The following JAZF1 variants were observed in gnomAD, a reference collection of about 807,000 sequenced individuals.
JAZF1 encodes the protein juxtaposed with another zinc finger protein 1.
Under a neutral mutation model 26.4 loss-of-function variants are expected in JAZF1, and 8 were observed. That is an observed-to-expected ratio of 0.30 (90% CI 0.18 to 0.55). The LOEUF is 0.55. Ranked by LOEUF, JAZF1 falls within the 20% of genes least tolerant of loss-of-function variation. The pLI is 0.94. For missense variants in JAZF1, 199 were observed against 322.0 expected, an observed-to-expected ratio of 0.62 and a Z score of 2.92; for synonymous variants, 126 against 122.3, an observed-to-expected ratio of 1.03 and a Z score of -0.20.
At chr7:28,168,379 TCA>T (rs1491188651) in intron 1 of JAZF1, among the ~76,000 whole-genome samples, 124 of 45,478 alleles carry the variant, frequency 2.7e-3, no homozygotes, top group Middle Eastern at 0.023. Context: ...AGACTCCGTC[TCA>T]AAAAAAAAAA....
intron 1 of JAZF1, among the ~76,000 whole-genome samples, chr7:28,155,699 T>C (rs1783171680): frequency 6.6e-6 from 1 of 152,162 alleles, no homozygotes; most frequent in African/African-American, 2.4e-5. Flanking sequence ...AGAATTATCA[T>C]ACAAGAAATG....
intron 1 of JAZF1, among the ~76,000 whole-genome samples, chr7:28,016,701 C>T (rs1164567832): frequency 6.6e-6 from 1 of 152,208 alleles, no homozygotes; most frequent in Non-Finnish European, 1.5e-5. Context: ...ACTGCTCTCC[C>T]TCCACTCCTC....
Position 27,882,838 on chromosome 7 carries a change from G to A in JAZF1, c.385+12382C>T, listed in dbSNP as rs556186225. Among the ~76,000 whole-genome samples the A allele has an allele frequency of 6.6e-5, 10 of 152,266 alleles. No individual in the cohort carries two copies. The East Asian group carries it at 1.2e-3, about 18-fold the overall frequency. ...GTTTTAGACTGGTGGTGGCAGGGAC[G>A]GGGGTGTGGAGAAAAGGTGTCTTTG... On this transcript the variant is annotated intron_variant, in intron 3 of 4. Coordinates refer to ENST00000283928, the MANE Select transcript of JAZF1 (RefSeq NM_175061.4).
intron 1 of JAZF1, among the ~76,000 whole-genome samples, chr7:28,025,206 T>G (rs1218368742): frequency 6.6e-6 from 1 of 152,244 alleles, no homozygotes; most frequent in Non-Finnish European, 1.5e-5. Flanking sequence ...ACCTCCCTGC[T>G]GGAGAAATGC....
chr7:28,166,129 A>ATATATAT (rs574556947), intron 1 of JAZF1, among the ~76,000 whole-genome samples: 3 of 151,948 alleles, frequency 2.0e-5, no homozygotes, highest in South Asian at 2.1e-4. Context: ...TATATATATA[A>ATATATAT]AAAAAGTTGG....
intron 3 of JAZF1, among the ~76,000 whole-genome samples, chr7:27,879,899 CAA>C (rs960754273): frequency 1.3e-5 from 2 of 152,142 alleles, no homozygotes; most frequent in East Asian, 3.9e-4. Flanking sequence ...TGGAAGATAA[CAA>C]AAGAGGCAAA....
At chr7:28,154,106 G>A (rs989444406) in intron 1 of JAZF1, among the ~76,000 whole-genome samples, 3 of 152,092 alleles carry the variant, frequency 2.0e-5, no homozygotes, top group African/African-American at 2.4e-5. Context: ...CCGAAGTTTT[G>A]GGGACTGCTG....
chr7:28,045,607 C>T (rs1783482964), intron 1 of JAZF1, among the ~76,000 whole-genome samples: 1 of 152,160 alleles, frequency 6.6e-6, no homozygotes, highest in African/African-American at 2.4e-5. Context: ...GACAGGGTCT[C>T]ACTCTGTCGC....
intron 3 of JAZF1, among the ~76,000 whole-genome samples, chr7:27,889,837 G>A (rs2107412): frequency 0.23 from 35,358 of 151,870 alleles, 4,502 homozygotes; most frequent in Middle Eastern, 0.31. Context: ...GGAGGCAGAG[G>A]TCAGAGAATC....
At chr7:27,960,682 C>A (rs1046115597) in intron 2 of JAZF1, among the ~76,000 whole-genome samples, 8 of 152,156 alleles carry the variant, frequency 5.3e-5, no homozygotes. Context: ...TTGGAGAAAT[C>A]TGGCAAAAAG....
intron 2 of JAZF1, among the ~76,000 whole-genome samples, chr7:27,980,480 G>T (rs1432485897): frequency 6.6e-6 from 1 of 151,910 alleles, no homozygotes; most frequent in Non-Finnish European, 1.5e-5. Context: ...TTACTTAAGT[G>T]TTTTCTTCTT....
chr7:27,880,604 G>A (rs1338705405), intron 3 of JAZF1, among the ~76,000 whole-genome samples: 1 of 152,040 alleles, frequency 6.6e-6, no homozygotes, highest in African/African-American at 2.4e-5. Context: ...CCGCACTCCA[G>A]CCTGGGTAAC....
At chr7:28,020,215 A>G (rs1782980328) in intron 1 of JAZF1, among the ~76,000 whole-genome samples, 1 of 152,198 alleles carries the variant, frequency 6.6e-6, no homozygotes, top group Non-Finnish European at 1.5e-5. Context: ...TGTAACTTAT[A>G]TCCTTTTGCA....
intron 1 of JAZF1, among the ~76,000 whole-genome samples, chr7:28,047,806 G>A (rs1783522458): frequency 1.3e-5 from 2 of 152,118 alleles, no homozygotes; most frequent in South Asian, 4.1e-4. Flanking sequence ...CCCAGGCTAA[G>A]TTTACAATAC....
intron 1 of JAZF1, among the ~76,000 whole-genome samples, chr7:27,997,589 A>G (rs1267853156): frequency 6.6e-6 from 1 of 152,158 alleles, no homozygotes; most frequent in Non-Finnish European, 1.5e-5. Context: ...TTAAGAGTCA[A>G]AGTCTTGCTC....
At position 27,998,541 on chromosome 7, in the gene JAZF1, T is replaced by C. The variant is rs543960964; in HGVS notation, c.116-6560A>G. On this transcript the variant is annotated intron_variant, in intron 1 of 4. Transcript: ENST00000283928. ...TCAACTTTTCCTTAGTTTATAGACA[T>C]GTCATTTGAAACTTTTCCCAAGCCA... Among the ~76,000 whole-genome samples the C allele has an allele frequency of 1.2e-4, 18 of 152,186 alleles. 1 individual carries two copies. The highest frequency in any genetic ancestry group is 4.6e-4 in the Admixed American group (7 of 15,278).
intron 1 of JAZF1, among the ~76,000 whole-genome samples, chr7:28,090,832 T>C (rs558072756): frequency 3.5e-4 from 51 of 147,198 alleles, no homozygotes; most frequent in African/African-American, 1.3e-3. Context: ...TTTTTTTTTT[T>C]TTTTTGAGAC....
At chr7:28,089,801 T>C (rs1483114546) in intron 1 of JAZF1, among the ~76,000 whole-genome samples, 3 of 152,246 alleles carry the variant, frequency 2.0e-5, no homozygotes, top group South Asian at 2.1e-4. Context: ...ACTGTGTTCA[T>C]GTACTAGTAT....
chr7:28,150,570 G>A (rs998782200), intron 1 of JAZF1, among the ~76,000 whole-genome samples: 3 of 152,196 alleles, frequency 2.0e-5, no homozygotes, highest in Admixed American at 1.3e-4. Context: ...CATGAGGACC[G>A]GTGGGAACAC....
Sources: gnomAD v4.1 joint callset for allele counts (sites outside exome capture counted in the v4.1 genomes callset) on GRCh38, gnomAD v4.1.1 for gene constraint, MANE v1.5 for transcripts, NCBI Gene and HGNC (gene_info 2026-07-23, HGNC 2026-07-21) for gene names.